The following PDE6B variants were observed in gnomAD, a reference collection of about 807,000 sequenced individuals.
PDE6B encodes rod cGMP-specific 3',5'-cyclic phosphodiesterase subunit beta.
In PDE6B, 106 loss-of-function variants were observed where a neutral mutation model predicts 109.0. The ratio of observed to expected loss-of-function variants is 0.97; its 90% CI spans 0.83 to 1.14. The LOEUF (loss-of-function observed/expected upper bound fraction) is 1.14, where lower values mean the gene tolerates loss of function less well. Ranked by LOEUF, PDE6B falls within the 50% of genes most tolerant of loss-of-function variation. The probability of loss-of-function intolerance (pLI) is 0.00; values close to 1 mark genes in which losing one functional copy is unlikely to be tolerated. For missense variants in PDE6B, 1,193 were observed against 1,155.6 expected, an observed-to-expected ratio of 1.03 and a Z score of -0.47; for synonymous variants, 490 against 471.3, an observed-to-expected ratio of 1.04 and a Z score of -0.51.
At chr4:645,586 C>T (rs936119209) in intron 3 of PDE6B, among the ~76,000 whole-genome samples, 1 of 151,918 alleles carries the variant, frequency 6.6e-6, no homozygotes, top group Admixed American at 6.6e-5. Context: ...TGAGCCACCG[C>T]GCCCGGCCAG....
Position 663,660 on chromosome 4 carries a change from G to A in PDE6B, c.1921-110G>A, listed in dbSNP as rs1159715498. On this transcript the variant is annotated intron_variant, in intron 15 of 21. Transcript: ENST00000496514. This position sits in a 1 kb window ranked among gnomAD's most constrained non-coding sequence, Gnocchi z 4.0. ...TAGGGGTCCCGCCCACCGAGGGCCC[G>A]AGGGCGGGGGCGTGAGAGGCACAGG... The A allele has an allele frequency of 2.5e-6, 2 of 789,698 alleles. No individual in the cohort carries two copies. Among genetic ancestry groups the A allele is most frequent in the Non-Finnish European group, 4.4e-6 (2 of 450,614 alleles). The allele number at this position is 789,698 out of a possible 1,614,324, so 48.9% of individuals were successfully genotyped here. A position where few individuals can be genotyped will look rare whatever the true frequency, so the allele number is the denominator to read the frequency against.
intron 5 of PDE6B, 64 bp downstream of exon 5, chr4:654,218 A>C: frequency 2.3e-6 from 3 of 1,320,372 alleles, no homozygotes; most frequent in Non-Finnish European, 3.3e-6. Flanking sequence ...CTCCAACTCC[A>C]GGGCAGGAGA....
intron 3 of PDE6B, chr4:652,238 G>C (rs1398500857): frequency 6.6e-6 from 1 of 152,650 alleles, no homozygotes; most frequent in Non-Finnish European, 1.5e-5. Context: ...AGCAGGGAGG[G>C]AGGGAGGGAC....
At chr4:642,527 C>T (rs930454530) in intron 3 of PDE6B, among the ~76,000 whole-genome samples, 14 of 151,786 alleles carry the variant, frequency 9.2e-5, no homozygotes, top group African/African-American at 1.5e-4. Context: ...AGCATGGTGG[C>T]GCATGCCTAT....
chr4:632,456 C>T (rs1312701378), intron 1 of PDE6B, among the ~76,000 whole-genome samples: 7 of 150,538 alleles, frequency 4.6e-5, no homozygotes, highest in South Asian at 2.1e-4. Flanking sequence ...CTCAGGGTCA[C>T]GTTGTGTGGA....
rs552300975 is a variant in PDE6B at position 652,550 on chromosome 4, C to T, written c.712-1302C>T. Reference sequence around the variant, plus strand: ...GCCGTTAACCACAGTACACAGGGTGCTCGGTAAGTGCAGTTCTGCTTCCGA... The same window carrying T: ...GCCGTTAACCACAGTACACAGGGTGTTCGGTAAGTGCAGTTCTGCTTCCGA... On this transcript the variant is annotated intron_variant, in intron 3 of 21. Transcript: ENST00000496514. 5.3e-6 allele frequency: 5 copies of T among 949,002 alleles called. No homozygotes were observed. The East Asian group carries it at 3.5e-4, about 66-fold the overall frequency. 58.8% of individuals were successfully genotyped at this position (949,002 alleles called of 1,614,324 possible).
At chr4:667,149 G>A (rs374009467) in intron 20 of PDE6B, among the ~76,000 whole-genome samples, 3 of 152,210 alleles carry the variant, frequency 2.0e-5, no homozygotes, top group African/African-American at 7.2e-5. Context: ...GGGGAGACTC[G>A]ATGGGGCAGG....
In PDE6B at chr4:662,552, C is replaced by T; in HGVS notation, c.1766C>T (p.Ala589Val). Residue 589 changes from alanine (A) to valine (V), a missense_variant, in exon 14 of 22, where the codon GCC becomes GTC. By Grantham distance (64) the Ala-to-Val change is moderately conservative. Coordinates refer to ENST00000496514, the MANE Select transcript of PDE6B (RefSeq NM_000283.4). This position sits in a 1 kb window ranked among gnomAD's most constrained non-coding sequence, Gnocchi z 4.3. ...KSYYTDLEAF[A>V]MVTAGLCHDI... is the part of the protein sequence containing the mutation. The stretch of plus-strand genomic sequence containing the variant: ...TACTACACGGACCTGGAGGCCTTCG[C>T]CATGGTGACAGCCGGCCTGTGCCAT... 6.2e-7 allele frequency: 1 copy of T among 1,613,150 alleles called. No homozygotes were observed. Among genetic ancestry groups the T allele is most frequent in the South Asian group, 1.1e-5 (1 of 91,076 alleles).
chr4:665,245 G>T lies in PDE6B; in HGVS notation c.2194-10G>T. On this transcript the variant is annotated splice_polypyrimidine_tract_variant and intron_variant, in intron 18 of 21. Coordinates refer to ENST00000496514, the MANE Select transcript of PDE6B (RefSeq NM_000283.4). This position sits in a 1 kb window ranked among gnomAD's most constrained non-coding sequence, Gnocchi z 4.0. Reference sequence around the variant, plus strand: ...GAGCTCCACAGACAGCTGCCTTCCTGTGCCTCCAGGTCGCACTTCTCGTGG... The same window carrying T: ...GAGCTCCACAGACAGCTGCCTTCCTTTGCCTCCAGGTCGCACTTCTCGTGG... The T allele has an allele frequency of 1.2e-6, 2 of 1,606,962 alleles. No homozygotes were observed. The highest frequency in any genetic ancestry group is 8.5e-7 in the Non-Finnish European group (1 of 1,174,318).
chr4:656,576 C>T (rs1050046878), intron 8 of PDE6B, among the ~76,000 whole-genome samples: 3 of 151,952 alleles, frequency 2.0e-5, no homozygotes, highest in Non-Finnish European at 4.4e-5. Flanking sequence ...GCCGTGACCG[C>T]GGCCCCCACA....
In PDE6B at chr4:666,652, G is replaced by T. The variant is rs898038654; in HGVS notation, c.2352+38G>T. 3 of 1,432,424 alleles carry T rather than the reference G, an allele frequency of 2.1e-6. No individual in the cohort carries two copies. In the African/African-American group the frequency reaches 4.2e-5, roughly 20 times the overall value. 88.7% of individuals were successfully genotyped at this position (1,432,424 alleles called of 1,614,324 possible). A position where few individuals can be genotyped will look rare whatever the true frequency, so the allele number is the denominator to read the frequency against. ...CGGGTGTTCCGAGCTGACTGGGGCA[G>T]GGTGGCTGGGAGCAGGCAAGGGGGC... is the stretch of plus-strand genomic sequence containing the variant. On this transcript the variant is annotated intron_variant, in intron 20 of 21. Transcript: ENST00000496514. This position sits in a 1 kb window ranked among gnomAD's most constrained non-coding sequence, Gnocchi z 5.6.
intron 16 of PDE6B, 46 bp from the exon 17 acceptor site, chr4:664,068 C>A: frequency 7.3e-7 from 1 of 1,370,974 alleles, no homozygotes; most frequent in Non-Finnish European, 1.0e-6. Context: ...GGGGCGGGGT[C>A]TCCACACTTG....
chr4:661,819 C>T, intron 12 of PDE6B: 1 of 416,274 alleles, frequency 2.4e-6, no homozygotes, highest in South Asian at 2.1e-5. Flanking sequence ...AAATATGCTG[C>T]ATCCCCAGGG....
At chr4:650,762 C>T (rs907018688) in intron 3 of PDE6B, among the ~76,000 whole-genome samples, 3 of 151,856 alleles carry the variant, frequency 2.0e-5, no homozygotes, top group Admixed American at 6.6e-5. Flanking sequence ...AGGCCAGGGT[C>T]GGAGGTTGGA....
At chr4:668,234 C>T (rs575153597) in intron 21 of PDE6B, among the ~76,000 whole-genome samples, 70 of 152,036 alleles carry the variant, frequency 4.6e-4, no homozygotes, top group African/African-American at 1.6e-3. Context: ...TGTTCCTAGC[C>T]AGTGAACCCC....
intron 3 of PDE6B, chr4:653,592 C>T: frequency 1.7e-6 from 1 of 580,198 alleles, no homozygotes; most frequent in Non-Finnish European, 3.1e-6. Flanking sequence ...TTCCACTTTC[C>T]ACTCGTCCAC....
At chr4:654,739 G>A (rs1368128985) in intron 5 of PDE6B, 85 bp from the exon 6 acceptor site, 2 of 819,762 alleles carry the variant, frequency 2.4e-6, no homozygotes, top group South Asian at 2.7e-5. Context: ...GTGGCTGTGT[G>A]TAGCTGCATG....
chr4:642,868 T>G (rs1390543374), intron 3 of PDE6B, among the ~76,000 whole-genome samples: 1 of 152,186 alleles, frequency 6.6e-6, no homozygotes, highest in African/African-American at 2.4e-5. Flanking sequence ...TTTCAAATTT[T>G]TTTCTGCATT....
chr4:660,121 G>A (rs1363790668), intron 11 of PDE6B, among the ~76,000 whole-genome samples: 4 of 152,222 alleles, frequency 2.6e-5, no homozygotes, highest in South Asian at 2.1e-4. Context: ...GGGAGTGGCC[G>A]TGTATCCAGG....
Sources: gnomAD v4.1 joint callset for allele counts (sites outside exome capture counted in the v4.1 genomes callset) on GRCh38, gnomAD v4.1.1 for gene constraint, Gnocchi (gnomAD v3.1) non-coding constraint, MANE v1.5 for transcripts, NCBI Gene and HGNC (gene_info 2026-07-23, HGNC 2026-07-21) for gene names.